Variants in NEBL observed in about 807,000 individuals in gnomAD.
NEBL encodes the protein LIM and SH3 protein 2.
In NEBL, 122 loss-of-function variants were observed where a neutral mutation model predicts 140.2. That is an observed-to-expected ratio of 0.87 (90% confidence interval 0.75 to 1.01). The LOEUF (loss-of-function observed/expected upper bound fraction) is 1.01. Ranked by LOEUF, NEBL falls within the 50% of genes least tolerant of loss-of-function variation. NEBL has a pLI of 0.00. For missense variants in NEBL, 1,365 were observed against 1,231.3 expected (o/e 1.11, Z -1.62); for synonymous variants, 436 against 398.9 (o/e 1.09, Z -1.11).
chr10:21,090,350 G>A (rs1296435259), intron 2 of NEBL, among the ~76,000 whole-genome samples: 1 of 152,196 alleles, frequency 6.6e-6, no homozygotes, highest in African/African-American at 2.4e-5. Context: ...GAACAAAAGT[G>A]TAGAAATTCC....
intron 4 of NEBL, among the ~76,000 whole-genome samples, chr10:20,902,362 C>A (rs1418018191): frequency 6.6e-6 from 1 of 151,676 alleles, no homozygotes; most frequent in African/African-American, 2.4e-5. Context: ...GCCAAGATCG[C>A]ACCACTGCAC....
rs768031909 is a variant in NEBL, at chr10:20,896,941, T to C, written c.153+17A>G. On this transcript the variant is annotated intron_variant, in intron 2 of 27. Coordinates refer to ENST00000377122, the MANE Select transcript of NEBL (RefSeq NM_006393.3). ...GGTGCAATGCAAAATAAGACAAAAA[T>C]TACTCCAGCCACTTACATCGCTAAT... 1 of 1,611,440 alleles carries C rather than the reference T, an allele frequency of 6.2e-7. No individual in the cohort carries two copies. The highest frequency in any genetic ancestry group is 8.5e-7 in the Non-Finnish European group (1 of 1,177,800).
chr10:20,923,539 C>T (rs1444201250), intron 4 of NEBL, among the ~76,000 whole-genome samples: 1 of 151,286 alleles, frequency 6.6e-6, no homozygotes, highest in Non-Finnish European at 1.5e-5. Flanking sequence ...ATTAGCCGGG[C>T]ATAGTGGCAC....
In NEBL at chr10:21,125,902, C is replaced by T. The variant is rs757015818; in HGVS notation, c.164+46481G>A. ...GCCCTGGAATTTAAATCCATGCTTC[C>T]CTTTGGTTATACCTTCTGGTCCCAG... On this transcript the variant is annotated intron_variant, in intron 2 of 6. Transcript: ENST00000417816. 11 of 1,614,062 alleles carry T rather than the reference C, an allele frequency of 6.8e-6. No individual in the cohort carries two copies. In the Admixed American group the frequency reaches 1.8e-4, roughly 27 times the overall value.
intron 7 of NEBL, among the ~76,000 whole-genome samples, chr10:20,867,185 T>G (rs976970931): frequency 6.6e-6 from 1 of 152,190 alleles, no homozygotes; most frequent in African/African-American, 2.4e-5. Flanking sequence ...TTTAAATTTT[T>G]TAAACCCTCT....
chr10:21,105,817 T>C (rs1425984949), intron 2 of NEBL, among the ~76,000 whole-genome samples: 1 of 152,188 alleles, frequency 6.6e-6, no homozygotes, highest in Non-Finnish European at 1.5e-5. Flanking sequence ...TGTAAAAGCG[T>C]TCCTATTTCT....
intron 2 of NEBL, among the ~76,000 whole-genome samples, chr10:21,089,558 G>A (rs574567522): frequency 1.6e-4 from 24 of 152,208 alleles, no homozygotes; most frequent in Non-Finnish European, 3.2e-4. Context: ...CGAGAAGGAG[G>A]AGACTGACGG....
intron 2 of NEBL, among the ~76,000 whole-genome samples, chr10:21,057,542 C>T (rs1236823094): frequency 8.4e-5 from 6 of 71,768 alleles, no homozygotes; most frequent in Admixed American, 4.9e-4. Context: ...AATGAAATTC[C>T]TTTTTTTTTT....
intron 4 of NEBL, among the ~76,000 whole-genome samples, chr10:20,911,089 G>T (rs1192663374): frequency 6.6e-6 from 1 of 152,018 alleles, no homozygotes; most frequent in East Asian, 1.9e-4. Flanking sequence ...GCTTGAGCCT[G>T]GGAGGTGGAG....
chr10:20,962,132 G>C lies in NEBL; in HGVS notation c.250-353C>G, dbSNP rs528010024. ...AGAAACAAGTAAGTACTCCATAATA[G>C]TTATTATGATTATCACCATTAATAC... On this transcript the variant is annotated intron_variant, in intron 3 of 6. Coordinates refer to the NEBL transcript ENST00000417816. 2.0e-5 allele frequency among the ~76,000 whole-genome samples: 3 copies of C among 152,270 alleles called. No individual in the cohort carries two copies. The South Asian group carries it at 6.2e-4, about 32-fold the overall frequency.
At chr10:21,240,618 C>T (rs1256961772) in intron 3 of NEBL, among the ~76,000 whole-genome samples, 1 of 151,464 alleles carries the variant, frequency 6.6e-6, no homozygotes, top group Non-Finnish European at 1.5e-5. Flanking sequence ...CACATTGTCA[C>T]ACACAAAAAA....
intron 1 of NEBL, among the ~76,000 whole-genome samples, chr10:21,254,191 T>C (rs1022260820): frequency 6.6e-6 from 1 of 152,144 alleles, no homozygotes; most frequent in Admixed American, 6.6e-5. Context: ...AAGCTGGAGT[T>C]CAACGGCATG....
chr10:21,174,042 G>T, exon 1 of NEBL: 2 of 1,130,368 alleles, frequency 1.8e-6, no homozygotes, highest in Non-Finnish European at 2.2e-6. Flanking sequence ...TCTCGGGCTC[G>T]CAGGCGCTGG....
chr10:21,076,923 G>C (rs1384000014), intron 2 of NEBL, among the ~76,000 whole-genome samples: 1 of 152,144 alleles, frequency 6.6e-6, no homozygotes, highest in Non-Finnish European at 1.5e-5. Flanking sequence ...TGGGGGGTTA[G>C]TGTTTCATGG....
At chr10:21,245,275 T>G (rs997036739) in intron 3 of NEBL, among the ~76,000 whole-genome samples, 3 of 152,226 alleles carry the variant, frequency 2.0e-5, no homozygotes, top group African/African-American at 7.2e-5. Flanking sequence ...TAAACACCTG[T>G]AGAAACAGTG....
intron 13 of NEBL, among the ~76,000 whole-genome samples, chr10:20,840,255 A>G (rs965843865): frequency 1.3e-5 from 2 of 152,106 alleles, no homozygotes; most frequent in African/African-American, 4.8e-5. Flanking sequence ...AGGACTGAAA[A>G]CACTTCAGAG....
At chr10:20,975,797 G>A (rs1836769065) in intron 3 of NEBL, among the ~76,000 whole-genome samples, 1 of 152,128 alleles carries the variant, frequency 6.6e-6, no homozygotes, top group African/African-American at 2.4e-5. Flanking sequence ...TTTCTGCTGA[G>A]GTAGCTGCCA....
chr10:20,851,325 C>T (rs1842491149), intron 10 of NEBL, among the ~76,000 whole-genome samples: 1 of 151,822 alleles, frequency 6.6e-6, no homozygotes, highest in Non-Finnish European at 1.5e-5. Flanking sequence ...AATGATAATT[C>T]AACCCAAGAG....
chr10:21,203,367 T>A (rs1402014749), intron 3 of NEBL, among the ~76,000 whole-genome samples: 1 of 152,194 alleles, frequency 6.6e-6, no homozygotes. Flanking sequence ...ATTATCTGTA[T>A]AAGTTAGTGT....
Sources: allele counts gnomAD v4.1 joint callset (sites outside exome capture counted in the v4.1 genomes callset), GRCh38; gene constraint gnomAD v4.1.1; transcripts MANE v1.5; gene names NCBI Gene and HGNC (gene_info 2026-07-23, HGNC 2026-07-21).